ATP7B: variants seen among roughly 807,000 people sequenced by gnomAD.
ATP7B encodes the protein ATPase copper transporting beta.
ATP7B carries 113 observed loss-of-function variants against 118.9 expected under a neutral mutation model. The ratio of observed to expected loss-of-function variants is 0.95; its 90% CI spans 0.82 to 1.11. The LOEUF is 1.11. Among genes scored for constraint, ATP7B ranks in the 50% most tolerant of loss-of-function variants. ATP7B has a pLI of 0.00. For missense variants in ATP7B, 1,867 were observed against 1,871.4 expected, an observed-to-expected ratio of 1.00 and a Z score of 0.04; for synonymous variants, 777 against 727.4, an observed-to-expected ratio of 1.07 and a Z score of -1.10.
chr13:51,965,097 C>A, intron 4 of ATP7B, 64 bp from the exon 5 acceptor site: 1 of 1,604,010 alleles, frequency 6.2e-7, no homozygotes, highest in Non-Finnish European at 8.5e-7. Context: ...GAAAGCCAGT[C>A]CAGGGAGTCT....
intron 20 of ATP7B, among the ~76,000 whole-genome samples, chr13:51,935,392 G>T (rs1156446825): frequency 2.0e-5 from 3 of 152,228 alleles, no homozygotes; most frequent in Admixed American, 1.3e-4. Flanking sequence ...AGCCCAGCAC[G>T]TGAATGGGCA....
chr13:52,003,859 A>G (rs1221032184), intron 1 of ATP7B, among the ~76,000 whole-genome samples: 1 of 152,202 alleles, frequency 6.6e-6, no homozygotes, highest in African/African-American at 2.4e-5. Context: ...GGAGTTTTAC[A>G]TAGTAAAATC....
At chr13:51,953,088 G>T (rs1356668481) in intron 9 of ATP7B, among the ~76,000 whole-genome samples, 1 of 152,234 alleles carries the variant, frequency 6.6e-6, no homozygotes, top group Non-Finnish European at 1.5e-5. Flanking sequence ...TTAGTGCTGG[G>T]AGTATACCTG....
intron 19 of ATP7B, among the ~76,000 whole-genome samples, chr13:51,937,027 C>T (rs988639636): frequency 6.6e-6 from 1 of 151,594 alleles, no homozygotes; most frequent in African/African-American, 2.4e-5. Flanking sequence ...AAATAGGGAT[C>T]AGAAAATACA....
At chr13:51,935,135 AT>A (rs2138425517) in intron 20 of ATP7B, 106 bp from the exon 21 acceptor site, 3 of 1,439,216 alleles carry the variant, frequency 2.1e-6, no homozygotes, top group Middle Eastern at 2.2e-4. Context: ...AACATTCAGT[AT>A]CAAAACCTCA....
chr13:51,936,078 C>A (rs1341458337), intron 19 of ATP7B, among the ~76,000 whole-genome samples: 3 of 152,220 alleles, frequency 2.0e-5, no homozygotes, highest in African/African-American at 7.2e-5. Context: ...CCACAGAGGA[C>A]AAACACGGCT....
intron 9 of ATP7B, among the ~76,000 whole-genome samples, chr13:51,951,580 T>C (rs1370767587): frequency 6.6e-6 from 1 of 151,520 alleles, no homozygotes; most frequent in Non-Finnish European, 1.5e-5. Context: ...CCCCTAGGAG[T>C]GACGGAGAAA....
chr13:51,938,716 T>C (rs758024280), intron 17 of ATP7B, among the ~76,000 whole-genome samples: 1 of 152,164 alleles, frequency 6.6e-6, no homozygotes, highest in Non-Finnish European at 1.5e-5. Context: ...GCTGGCAAAA[T>C]CTTCCCTTAA....
chr13:52,006,451 A>C (rs573116669), intron 1 of ATP7B, among the ~76,000 whole-genome samples: 234 of 152,368 alleles, frequency 1.5e-3, no homozygotes, highest in Admixed American at 3.3e-3. Context: ...TGGATAGCCT[A>C]GTTTCTCTAC....
rs573569966 is a variant in ATP7B, at chr13:51,980,115, T to G, written c.52-4947A>C. Among the ~76,000 whole-genome samples the G allele has an allele frequency of 6.3e-4, 96 of 152,278 alleles. 1 individual carries two copies. The Middle Eastern group carries it at 0.017, about 27-fold the overall frequency. ...GGGAAAAAACTCTCCTGATGAGTTT[T>G]AAAAAACAAACACAGGTTTAGATTT... On this transcript the variant is annotated intron_variant, in intron 1 of 20. Transcript: ENST00000242839.
At position 51,974,423 on chromosome 13, in the gene ATP7B, A is replaced by T. The variant is rs2140089674; in HGVS notation, c.797T>A (p.Met266Lys). The T allele has an allele frequency of 6.2e-7, 1 of 1,614,028 alleles. No homozygotes were observed. Among genetic ancestry groups the T allele is most frequent in the Non-Finnish European group, 8.5e-7 (1 of 1,180,042 alleles). The change falls in exon 2 of 21, where the codon ATG becomes AAG. Residue 266 changes from methionine to lysine, a missense_variant. Transcript: ENST00000242839. ...ATTCAAGACGCAAGACTTACAATGC[A>T]TTCCATCTATTCTCAGTTGGAGGGT... ...VVTLQLRIDG[M>K]HCKSCVLNIE...
rs1957379935 is a variant in ATP7B at position 51,942,291 on chromosome 13, C to T, written c.3412+95G>A. 1.5e-5 allele frequency: 24 copies of T among 1,581,084 alleles called. No individual in the cohort carries two copies. In the Middle Eastern group the frequency reaches 5.0e-4, roughly 33 times the overall value. The stretch of plus-strand genomic sequence containing the variant: ...GGTGCCTTAGCCATGAACCGTCTGC[C>T]GCACAGCAGAGGCAATCACTGCTGG... On this transcript the variant is annotated intron_variant, in intron 15 of 20. Coordinates refer to ENST00000242839, the MANE Select transcript of ATP7B (RefSeq NM_000053.4).
Position 51,970,499 on chromosome 13 carries a change from T to C in ATP7B, c.1536A>G (p.Lys512=), listed in dbSNP as rs1209399847. ...CVSNIERNLQ[K]EAGVLSVLVA... ...TGGGCGTTCATCTCTTACCAGCTTC[T>C]TTCTGCAGATTCCTTTCTATGTTAG... Residue 512 remains lysine (K), a synonymous_variant, in exon 3 of 21, where the codon AAA becomes AAG. Coordinates refer to ENST00000242839, the MANE Select transcript of ATP7B (RefSeq NM_000053.4). 5.6e-6 allele frequency: 9 copies of C among 1,614,224 alleles called. No homozygotes were observed. Among genetic ancestry groups the C allele is most frequent in the Non-Finnish European group, 5.9e-6 (7 of 1,180,036 alleles).
chr13:51,939,014 T>C (rs2138658718), intron 17 of ATP7B, 37 bp downstream of exon 17: 1 of 1,613,480 alleles, frequency 6.2e-7, no homozygotes, highest in Non-Finnish European at 8.5e-7. Context: ...ACTGCTTTTA[T>C]GAGCTTTACA....
intron 1 of ATP7B, among the ~76,000 whole-genome samples, chr13:52,001,700 T>C (rs1566666633): frequency 2.6e-5 from 4 of 152,198 alleles, no homozygotes. Flanking sequence ...GAATTCTCAA[T>C]CACCACCAAA....
intron 12 of ATP7B, 145 bp from the exon 13 acceptor site, chr13:51,946,623 C>G: frequency 1.1e-6 from 1 of 871,572 alleles, no homozygotes; most frequent in Non-Finnish European, 1.9e-6. Flanking sequence ...CCACACTGCT[C>G]TGCCATCATA....
intron 6 of ATP7B, among the ~76,000 whole-genome samples, chr13:51,961,569 T>A (rs1291121505): frequency 6.6e-6 from 1 of 152,226 alleles, no homozygotes; most frequent in Non-Finnish European, 1.5e-5. Context: ...AAAATTCATT[T>A]CCACAGTCAC....
chr13:51,949,818 A>G, intron 11 of ATP7B, 22 bp from the exon 12 acceptor site: 1 of 1,613,930 alleles, frequency 6.2e-7, no homozygotes, highest in Non-Finnish European at 8.5e-7. Flanking sequence ...AAACACCAAG[A>G]CCATGGGAAA....
intron 6 of ATP7B, among the ~76,000 whole-genome samples, chr13:51,960,835 G>GA (rs745769005): frequency 1.4e-4 from 21 of 152,142 alleles, no homozygotes; most frequent in Non-Finnish European, 2.6e-4. Flanking sequence ...CCATAGTTTG[G>GA]AATCGGGGGT....
Sources: gnomAD v4.1 joint callset for allele counts (sites outside exome capture counted in the v4.1 genomes callset) on GRCh38, gnomAD v4.1.1 for gene constraint, MANE v1.5 for transcripts, NCBI Gene and HGNC (gene_info 2026-07-23, HGNC 2026-07-21) for gene names.